Variants in SOS2 observed in about 807,000 individuals in gnomAD.
SOS2 encodes the protein SOS Ras/Rho guanine nucleotide exchange factor 2.
A neutral mutation model predicts 148.2 loss-of-function variants in SOS2; 65 were observed. The ratio of observed to expected loss-of-function variants is 0.44; its 90% CI spans 0.36 to 0.54. SOS2 has a LOEUF of 0.54. SOS2 is among the 20% of genes least tolerant of loss of function. The pLI is 0.00. For missense variants in SOS2, 1,341 were observed against 1,590.2 expected (o/e 0.84, Z 2.67); for synonymous variants, 539 against 537.1 (o/e 1.00, Z -0.05).
At chr14:50,130,827 A>ACGT in intron 19 of SOS2, 65 bp from the exon 20 acceptor site, 1 of 1,414,194 alleles carries the variant, frequency 7.1e-7, no homozygotes, top group Non-Finnish European at 9.7e-7. Flanking sequence ...TCTGTGACTT[A>ACGT]GAGCTACCTT....
chr14:50,194,821 C>G (rs1350107508), intron 4 of SOS2, among the ~76,000 whole-genome samples: 1 of 150,662 alleles, frequency 6.6e-6, no homozygotes, highest in Non-Finnish European at 1.5e-5. Context: ...TATGGAGTCT[C>G]GCTCTGTCAC....
In SOS2 at chr14:50,159,330, G is replaced by A. The variant is rs1447704769; in HGVS notation, c.1852+101C>T. Reference sequence around the variant, plus strand: ...TTTTGCAGTATTTTTATATTTTGGAGGCAATCCATTTTTTCCCCAAGCCTC... The same window carrying A: ...TTTTGCAGTATTTTTATATTTTGGAAGCAATCCATTTTTTCCCCAAGCCTC... On this transcript the variant is annotated intron_variant, in intron 10 of 22. Transcript: ENST00000216373. 2.9e-5 allele frequency: 19 copies of A among 647,530 alleles called. No homozygotes were observed. The East Asian group carries it at 4.4e-4, about 15-fold the overall frequency. 40.1% of individuals were successfully genotyped at this position (647,530 alleles called of 1,614,324 possible). A position where few individuals can be genotyped will look rare whatever the true frequency, so the allele number is the denominator to read the frequency against.
intron 8 of SOS2, among the ~76,000 whole-genome samples, chr14:50,173,018 C>A (rs774795889): frequency 2.0e-5 from 3 of 151,214 alleles, no homozygotes; most frequent in Admixed American, 6.6e-5. Flanking sequence ...ATTTTTTTTT[C>A]TTTAACAGGG....
chr14:50,179,528 G>A (rs1311863703), intron 7 of SOS2, among the ~76,000 whole-genome samples: 3 of 151,942 alleles, frequency 2.0e-5, no homozygotes, highest in Non-Finnish European at 4.4e-5. Context: ...ACCACACTCG[G>A]CTAAGTTTTT....
At chr14:50,120,127 A>G (rs1294898127) in intron 22 of SOS2, 148 bp downstream of exon 22, 2 of 575,232 alleles carry the variant, frequency 3.5e-6, no homozygotes, top group African/African-American at 3.9e-5. Flanking sequence ...GGATTAAACA[A>G]CTAAAAGTAT....
chr14:50,177,908 T>C (rs1281943975), intron 7 of SOS2, among the ~76,000 whole-genome samples: 1 of 152,168 alleles, frequency 6.6e-6, no homozygotes, highest in African/African-American at 2.4e-5. Flanking sequence ...CATACACATA[T>C]GTACACGGTA....
rs576120084 is a variant in SOS2 at position 50,118,135 on chromosome 14, A to T, written c.*209T>A. On this transcript the variant is annotated 3_prime_UTR_variant, in exon 23 of 23. Transcript: ENST00000216373. ...CTTTTGGCAGCACTGAGGATCCAAGACAAGGCAATGCTACTGATCACCTGA... is the reference window on the plus strand; with the variant it reads ...CTTTTGGCAGCACTGAGGATCCAAGTCAAGGCAATGCTACTGATCACCTGA... The T allele has an allele frequency of 1.1e-3, 570 of 533,384 alleles. No homozygotes were observed. Among genetic ancestry groups the T allele is most frequent in the African/African-American group, 9.8e-3 (511 of 52,398 alleles). The allele number at this position is 533,384 out of a possible 1,614,324, so 33.0% of individuals were successfully genotyped here. A position where few individuals can be genotyped will look rare whatever the true frequency, so the allele number is the denominator to read the frequency against.
At chr14:50,174,630 C>T (rs1194418011) in intron 7 of SOS2, 78 bp from the exon 8 acceptor site, 2 of 629,612 alleles carry the variant, frequency 3.2e-6, no homozygotes, top group Non-Finnish European at 5.4e-6. Flanking sequence ...ACAGAAACGT[C>T]TACTAAAAAT....
chr14:50,216,739 A>C (rs2139838962), intron 1 of SOS2, among the ~76,000 whole-genome samples: 1 of 151,258 alleles, frequency 6.6e-6, no homozygotes, highest in South Asian at 2.1e-4. Context: ...AATATCAAAA[A>C]ATAAAAACAA....
At chr14:50,209,274 C>CGTGTGAGTGTGTGTGTGTGT (rs1886780759) in intron 1 of SOS2, among the ~76,000 whole-genome samples, 1 of 118,276 alleles carries the variant, frequency 8.5e-6, no homozygotes, top group Admixed American at 8.5e-5. Flanking sequence ...CCTTAAATGT[C>CGTGTGAGTGTGTGTGTGTGT]GTGTGTGTGT....
intron 4 of SOS2, among the ~76,000 whole-genome samples, chr14:50,197,999 C>CTT (rs35683627): frequency 0.01 from 1,385 of 135,040 alleles, 18 homozygotes; most frequent in Middle Eastern, 0.064. Context: ...GCTTTGCCAT[C>CTT]TTTTTTTTTT....
At chr14:50,126,827 T>C (rs1444508636) in intron 21 of SOS2, among the ~76,000 whole-genome samples, 1 of 151,634 alleles carries the variant, frequency 6.6e-6, no homozygotes, top group Non-Finnish European at 1.5e-5. Flanking sequence ...GGAAAAATTA[T>C]TACCAAAGCA....
intron 4 of SOS2, 69 bp from the exon 5 acceptor site, chr14:50,188,769 T>A: frequency 9.6e-7 from 1 of 1,043,464 alleles, no homozygotes; most frequent in Non-Finnish European, 1.4e-6. Context: ...CTCAAAGTAC[T>A]TGAAATCTAT....
rs144716897 is a variant in SOS2 at position 50,121,693 on chromosome 14, A to G, written c.3380-1309T>C. ...GTAGATATGTCAAACTAATTATTCT[A>G]TGTCAAAAATTGCTATCTCAGTCAT... On this transcript the variant is annotated intron_variant, in intron 21 of 22. Transcript: ENST00000216373. Among the ~76,000 whole-genome samples, 873 of 150,832 alleles carry G rather than the reference A, an allele frequency of 5.8e-3. 11 individuals are homozygous for G. The highest frequency in any genetic ancestry group is 0.019 in the African/African-American group (783 of 40,872).
chr14:50,143,693 C>T (rs1422088577), intron 16 of SOS2, among the ~76,000 whole-genome samples: 2 of 152,112 alleles, frequency 1.3e-5, no homozygotes, highest in Non-Finnish European at 2.9e-5. Context: ...CCACCCGCCT[C>T]GGCCTCCCAA....
intron 7 of SOS2, among the ~76,000 whole-genome samples, chr14:50,178,541 G>T (rs953053796): frequency 2.0e-5 from 3 of 151,464 alleles, no homozygotes; most frequent in African/African-American, 4.9e-5. Flanking sequence ...TCGGCTCACT[G>T]CAACCCCCAC....
At chr14:50,144,547 C>T (rs1884402466) in intron 16 of SOS2, among the ~76,000 whole-genome samples, 1 of 152,094 alleles carries the variant, frequency 6.6e-6, no homozygotes, top group Non-Finnish European at 1.5e-5. Context: ...AAGCAATTCT[C>T]CTGTCTCAGC....
At chr14:50,159,019 C>T (rs192531840) in intron 10 of SOS2, among the ~76,000 whole-genome samples, 3 of 151,730 alleles carry the variant, frequency 2.0e-5, no homozygotes, top group African/African-American at 7.3e-5. Context: ...CCCATCTCTA[C>T]TAAAAATAAA....
At chr14:50,140,113 TA>T (rs1884220579) in intron 16 of SOS2, 54 bp from the exon 17 acceptor site, 1 of 900,844 alleles carries the variant, frequency 1.1e-6, no homozygotes, top group Non-Finnish European at 1.7e-6. Flanking sequence ...TCATATTTTA[TA>T]AATGCAAACC....
Sources: allele counts gnomAD v4.1 joint callset (sites outside exome capture counted in the v4.1 genomes callset), GRCh38; gene constraint gnomAD v4.1.1; transcripts MANE v1.5; gene names NCBI Gene and HGNC (gene_info 2026-07-23, HGNC 2026-07-21).